The following TRANK1 variants were observed in gnomAD, a reference collection of about 807,000 sequenced individuals.
The protein encoded by TRANK1 is tetratricopeptide repeat and ankyrin repeat containing 1, also known as TPR and ankyrin repeat-containing protein 1.
TRANK1 carries 198 observed loss-of-function variants against 266.0 expected under a neutral mutation model. The observed-to-expected ratio is 0.74, with a 90% CI of 0.66 to 0.84. The LOEUF (loss-of-function observed/expected upper bound fraction) is 0.84, where lower values mean the gene tolerates loss of function less well. Among genes scored for constraint, TRANK1 ranks in the 40% least tolerant of loss-of-function variants. The pLI is 0.00. For missense variants in TRANK1, 3,326 were observed against 3,634.6 expected, an observed-to-expected ratio of 0.92 and a Z score of 2.18; for synonymous variants, 1,396 against 1,384.1, an observed-to-expected ratio of 1.01 and a Z score of -0.19.
intron 13 of TRANK1, among the ~76,000 whole-genome samples, chr3:36,854,221 A>T (rs1235720648): frequency 2.6e-5 from 4 of 152,050 alleles, no homozygotes; most frequent in Non-Finnish European, 5.9e-5. Flanking sequence ...TTAGCTGGAC[A>T]TGGTGGCAGG....
intron 9 of TRANK1, among the ~76,000 whole-genome samples, chr3:36,866,067 A>G (rs2079217675): frequency 7.1e-6 from 1 of 141,220 alleles, no homozygotes; most frequent in African/African-American, 3.0e-5. Context: ...AAAGAAAGAA[A>G]GAAAGAAAGA....
chr3:36,906,405 AG>A (rs1374058873), intron 2 of TRANK1, among the ~76,000 whole-genome samples: 2 of 152,218 alleles, frequency 1.3e-5, no homozygotes, highest in African/African-American at 4.8e-5. Flanking sequence ...AGGCCACTGC[AG>A]GTGATCCACA....
chr3:36,921,165 A>C (rs2080208050), intron 1 of TRANK1, among the ~76,000 whole-genome samples: 1 of 152,110 alleles, frequency 6.6e-6, no homozygotes, highest in Non-Finnish European at 1.5e-5. Flanking sequence ...CCAAACTGTT[A>C]ACCCCACCAC....
In TRANK1 at chr3:36,831,530, G is replaced by A. The variant is rs749635565; in HGVS notation, c.8053C>T (p.Pro2685Ser). 1 of 1,613,426 alleles carries A rather than the reference G, an allele frequency of 6.2e-7. No homozygotes were observed. The highest frequency in any genetic ancestry group is 8.5e-7 in the Non-Finnish European group (1 of 1,179,658). ...TCATCCTGGCCAAACTCACACTCAG[G>A]TTCAGCAAAGTAGTCCACAGGGTCC... is the stretch of plus-strand genomic sequence containing the variant. ...CLDPVDYFAEPECEFGQDEMD... is the reference protein window; with the variant it reads ...CLDPVDYFAESECEFGQDEMD... Residue 2685 changes from proline to serine, a missense_variant, in exon 22 of 24, where the codon CCT becomes TCT. Coordinates refer to ENST00000645898, the MANE Select transcript of TRANK1 (RefSeq NM_001329998.2). This position sits in a 1 kb window ranked among gnomAD's most constrained non-coding sequence, Gnocchi z 5.0.
intron 1 of TRANK1, among the ~76,000 whole-genome samples, chr3:36,930,035 C>T (rs927630119): frequency 2.2e-4 from 33 of 152,254 alleles, no homozygotes; most frequent in African/African-American, 7.9e-4. Context: ...CCACCACACC[C>T]GGCTAACTTT....
Position 36,919,967 on chromosome 3 carries a change from C to A in TRANK1, c.24-11513G>T, listed in dbSNP as rs1030224028. 5.9e-5 allele frequency among the ~76,000 whole-genome samples: 9 copies of A among 152,222 alleles called. No homozygotes were observed. In the East Asian group the frequency reaches 1.7e-3, roughly 29 times the overall value. ...TAATTAACCACTAGATGACAATATG[C>A]CAGGCCCATTGTAGCTCACGTTCTT... On this transcript the variant is annotated intron_variant, in intron 1 of 23. Coordinates refer to ENST00000645898, the MANE Select transcript of TRANK1 (RefSeq NM_001329998.2).
Position 36,857,211 on chromosome 3 carries a change from C to A in TRANK1, c.2511G>T (p.Glu837Asp). 6.2e-7 allele frequency: 1 copy of A among 1,613,918 alleles called. No individual in the cohort carries two copies. The part of the protein sequence containing the change: ...QDFDNMTWEI[E>D]CTSEMLKKLS... Reference sequence around the variant, plus strand: ...GCTTCTTCAGCATTTCTGAAGTGCACTCGATCTCCCAGGTCATGTTATCGA... The same window carrying A: ...GCTTCTTCAGCATTTCTGAAGTGCAATCGATCTCCCAGGTCATGTTATCGA... Residue 837 changes from glutamate (E) to aspartate (D), a missense_variant, in exon 13 of 24, where the codon GAG (glutamate) becomes GAT (aspartate). Glu to Asp is a conservative substitution (Grantham distance 45). Transcript: ENST00000645898. This position sits in a 1 kb window ranked among gnomAD's most constrained non-coding sequence, Gnocchi z 4.3.
At chr3:36,839,551 C>T (rs1342330307) in intron 18 of TRANK1, among the ~76,000 whole-genome samples, 1 of 152,180 alleles carries the variant, frequency 6.6e-6, no homozygotes, top group Non-Finnish European at 1.5e-5. Context: ...ATTGCAGGGC[C>T]TTTGCACACA....
At chr3:36,923,554 C>T (rs757214302) in intron 1 of TRANK1, among the ~76,000 whole-genome samples, 1 of 152,160 alleles carries the variant, frequency 6.6e-6, no homozygotes, top group Non-Finnish European at 1.5e-5. Flanking sequence ...CCGCGCCTGG[C>T]CTTGGTAAAT....
Position 36,847,197 on chromosome 3 carries a change from C to T in TRANK1, c.5034+3G>A, listed in dbSNP as rs767169795. ...CATGTGTTGACAAATGGCAGAAATT[C>T]ACCTTGTACATTTCTGGATTCACCA... On this transcript the variant is annotated splice_donor_region_variant and intron_variant, in intron 16 of 23. Transcript: ENST00000645898. 5.6e-6 allele frequency: 9 copies of T among 1,611,208 alleles called. No homozygotes were observed. Among genetic ancestry groups the T allele is most frequent in the African/African-American group, 1.3e-5 (1 of 74,952 alleles).
At chr3:36,845,515 A>G (rs2078902855) in intron 17 of TRANK1, among the ~76,000 whole-genome samples, 1 of 152,226 alleles carries the variant, frequency 6.6e-6, no homozygotes, top group South Asian at 2.1e-4. Flanking sequence ...GTATTTGTAT[A>G]TATACACATA....
chr3:36,855,158 A>C lies in TRANK1; in HGVS notation c.4549+15T>G. On this transcript the variant is annotated intron_variant, in intron 13 of 23. Transcript: ENST00000645898. Reference sequence around the variant, plus strand: ...CTAAGCACCCCCAGTAGGCAAACCCAAGAGCTGGACTTACCTGAGTGGGAC... The same window carrying C: ...CTAAGCACCCCCAGTAGGCAAACCCCAGAGCTGGACTTACCTGAGTGGGAC... The C allele has an allele frequency of 6.3e-7, 1 of 1,592,994 alleles. No individual in the cohort carries two copies. The highest frequency in any genetic ancestry group is 8.6e-7 in the Non-Finnish European group (1 of 1,166,008).
chr3:36,881,634 A>C (rs1034303173), intron 8 of TRANK1, among the ~76,000 whole-genome samples: 1 of 152,098 alleles, frequency 6.6e-6, no homozygotes, highest in Non-Finnish European at 1.5e-5. Context: ...AATAAATATA[A>C]ACTATATAAT....
Position 36,855,786 on chromosome 3 carries a change from C to T in TRANK1, c.3936G>A (p.Thr1312=), listed in dbSNP as rs191623295. 7 of 1,613,680 alleles carry T rather than the reference C, an allele frequency of 4.3e-6. No homozygotes were observed. The highest frequency in any genetic ancestry group is 1.7e-4 in the Middle Eastern group (1 of 6,060). The part of the protein sequence containing the change: ...SEEDKAVEMR[T]GDSDPRVYVT... ...CGTACACCCGGGGGTCACTGTCACC[C>T]GTACGCATTTCTACAGCTTTATCCT... Residue 1312 remains threonine, a synonymous_variant, in exon 13 of 24, where the codon ACG becomes ACA. Transcript: ENST00000645898.
intron 1 of TRANK1, among the ~76,000 whole-genome samples, chr3:36,910,115 T>C (rs2080030484): frequency 6.6e-6 from 1 of 152,172 alleles, no homozygotes; most frequent in Admixed American, 6.5e-5. Context: ...CTCACCAAAA[T>C]GTATAAGGGT....
chr3:36,908,825 G>T (rs2080011510), intron 1 of TRANK1, among the ~76,000 whole-genome samples: 1 of 152,190 alleles, frequency 6.6e-6, no homozygotes. Flanking sequence ...GGAAGGCATT[G>T]TCCCCACTGT....
chr3:36,864,226 T>C, intron 10 of TRANK1, 93 bp downstream of exon 10: 1 of 1,314,956 alleles, frequency 7.6e-7, no homozygotes, highest in East Asian at 2.6e-5. Flanking sequence ...ATTATTTTTA[T>C]TTTTTAAAAT....
rs1294556681 is a variant in TRANK1, at chr3:36,856,868, C to T, written c.2854G>A (p.Ala952Thr). 1 of 1,614,032 alleles carries T rather than the reference C, an allele frequency of 6.2e-7. No homozygotes were observed. The highest frequency in any genetic ancestry group is 1.3e-5 in the African/African-American group (1 of 75,056). The change falls in exon 13 of 24, where the codon GCT becomes ACT. Residue 952 changes from alanine (A) to threonine (T), a missense_variant. Physicochemically the swap from Ala to Thr is moderately conservative, Grantham distance 58. Transcript: ENST00000645898. ...TTGCAGATGGCCTTGATGGAATCAGCCAGTTTGCAGTGATCTAAGACGATG... is the reference window on the plus strand; with the variant it reads ...TTGCAGATGGCCTTGATGGAATCAGTCAGTTTGCAGTGATCTAAGACGATG... ...WDIVLDHCKLADSIKAICNAY... is the reference protein window; with the variant it reads ...WDIVLDHCKLTDSIKAICNAY...
At chr3:36,879,839 CAAATAT>C (rs2079476122) in intron 8 of TRANK1, among the ~76,000 whole-genome samples, 1 of 97,662 alleles carries the variant, frequency 1.0e-5, no homozygotes, top group Non-Finnish European at 1.9e-5. Flanking sequence ...TGTAAATATA[CAAATAT>C]ATGTAAATAT....
Sources: gnomAD v4.1 joint callset for allele counts (sites outside exome capture counted in the v4.1 genomes callset) on GRCh38, gnomAD v4.1.1 for gene constraint, Gnocchi (gnomAD v3.1) non-coding constraint, MANE v1.5 for transcripts, NCBI Gene and HGNC (gene_info 2026-07-23, HGNC 2026-07-21) for gene names.